The following TMEFF1 variants were observed in gnomAD, a reference collection of about 807,000 sequenced individuals.
TMEFF1 encodes tomoregulin-1.
A neutral mutation model predicts 47.5 loss-of-function variants in TMEFF1; 20 were observed. The ratio of observed to expected loss-of-function variants is 0.42; its 90% confidence interval spans 0.30 to 0.61. The LOEUF (loss-of-function observed/expected upper bound fraction) is 0.61, where lower values mean the gene tolerates loss of function less well. TMEFF1 is among the 20% of genes least tolerant of loss of function. The pLI is 0.19. For synonymous variants in TMEFF1, 162 were observed against 166.3 expected, an observed-to-expected ratio of 0.97 and a Z score of 0.20; for missense variants, 411 against 471.1, an observed-to-expected ratio of 0.87 and a Z score of 1.18.
At chr9:100,489,663 G>A (rs961581129) in intron 1 of TMEFF1, among the ~76,000 whole-genome samples, 9 of 151,758 alleles carry the variant, frequency 5.9e-5, no homozygotes, top group African/African-American at 2.2e-4. Context: ...TACCTTCCAG[G>A]TTTTTAAAAT....
intron 8 of TMEFF1, among the ~76,000 whole-genome samples, chr9:100,568,595 T>TCTTCCTTCCTTCCTTCCTTC (rs60796448): frequency 2.0e-5 from 3 of 149,630 alleles, no homozygotes; most frequent in African/African-American, 2.5e-5. Context: ...TCCCTCCCTC[T>TCTTCCTTCCTTCCTTCCTTC]CTTCCTTCCT....
At chr9:100,492,075 G>A (rs1213192764) in intron 1 of TMEFF1, among the ~76,000 whole-genome samples, 6 of 151,904 alleles carry the variant, frequency 3.9e-5, no homozygotes, top group East Asian at 1.9e-4. Flanking sequence ...TAGTAGAGAC[G>A]GGGTTTCATC....
intron 7 of TMEFF1, among the ~76,000 whole-genome samples, chr9:100,556,564 G>A (rs1838918736): frequency 6.6e-6 from 1 of 152,078 alleles, no homozygotes; most frequent in Non-Finnish European, 1.5e-5. Context: ...AAGTTGAAGC[G>A]AGGTTTCATT....
chr9:100,491,123 A>G (rs1837545189), intron 1 of TMEFF1, among the ~76,000 whole-genome samples: 1 of 152,192 alleles, frequency 6.6e-6, no homozygotes, highest in African/African-American at 2.4e-5. Context: ...GCTTTATAAT[A>G]TTCCATAGTT....
Position 100,547,685 on chromosome 9 carries a change from TGCAG to T in TMEFF1, c.561-58_561-55del. 5.0e-6 allele frequency: 7 copies of T among 1,392,140 alleles called. No homozygotes were observed. In the Admixed American group the frequency reaches 1.3e-4, roughly 26 times the overall value. 86.2% of individuals were successfully genotyped at this position (1,392,140 alleles called of 1,614,324 possible). ...AGAAAGAATTGGTCTTTTTTGCTGT[TGCAG>T]CATTGTGAAATATTTTTGTTGTAAA... On this transcript the variant is annotated intron_variant, in intron 5 of 9. Coordinates refer to ENST00000374879, the MANE Select transcript of TMEFF1 (RefSeq NM_003692.5).
At chr9:100,494,948 G>A (rs983464204) in intron 1 of TMEFF1, among the ~76,000 whole-genome samples, 1 of 152,270 alleles carries the variant, frequency 6.6e-6, no homozygotes, top group South Asian at 2.1e-4. Context: ...ATCATCTGAT[G>A]TTAGTTGATA....
At chr9:100,557,407 A>G (rs1838933556) in intron 7 of TMEFF1, among the ~76,000 whole-genome samples, 1 of 152,248 alleles carries the variant, frequency 6.6e-6, no homozygotes, top group East Asian at 1.9e-4. Context: ...CCATACGATG[A>G]AGAAAACATG....
intron 5 of TMEFF1, among the ~76,000 whole-genome samples, chr9:100,526,725 T>C (rs531125485): frequency 6.6e-6 from 1 of 151,936 alleles, no homozygotes; most frequent in East Asian, 1.9e-4. Context: ...TGAGTTATAA[T>C]TGTTCTTTTG....
chr9:100,509,868 C>T (rs1234007539), intron 3 of TMEFF1, among the ~76,000 whole-genome samples: 2 of 151,674 alleles, frequency 1.3e-5, no homozygotes, highest in African/African-American at 4.8e-5. Context: ...GCCACCTGTT[C>T]ATCCCATGCT....
intron 2 of TMEFF1, among the ~76,000 whole-genome samples, chr9:100,499,591 G>A (rs941321694): frequency 2.0e-5 from 3 of 152,096 alleles, no homozygotes; most frequent in Admixed American, 6.6e-5. Flanking sequence ...CACCATTTGG[G>A]TTTTGAGGGG....
chr9:100,523,807 A>G (rs7029001), intron 5 of TMEFF1, among the ~76,000 whole-genome samples: 33,491 of 152,144 alleles, frequency 0.22, 4,011 homozygotes, highest in South Asian at 0.32. Context: ...ATTTCAAAGG[A>G]CTTTTTACAA....
intron 5 of TMEFF1, among the ~76,000 whole-genome samples, chr9:100,535,972 A>G (rs1377744029): frequency 6.6e-6 from 1 of 152,142 alleles, no homozygotes; most frequent in Non-Finnish European, 1.5e-5. Context: ...TTACTCCTTT[A>G]AAGACAAATA....
intron 5 of TMEFF1, among the ~76,000 whole-genome samples, chr9:100,543,704 A>AAAACACACACAC (rs1038685574): frequency 3.2e-4 from 45 of 138,824 alleles, no homozygotes; most frequent in Non-Finnish European, 5.6e-4. Context: ...GATGAAGTAA[A>AAAACACACACAC]ACACACACAC....
intron 4 of TMEFF1, among the ~76,000 whole-genome samples, chr9:100,513,884 A>G (rs900265404): frequency 1.3e-5 from 2 of 152,216 alleles, no homozygotes; most frequent in Non-Finnish European, 2.9e-5. Flanking sequence ...TGGAATTTAG[A>G]GTTTAATTTA....
intron 7 of TMEFF1, among the ~76,000 whole-genome samples, chr9:100,558,937 A>C (rs911631394): frequency 1.3e-5 from 2 of 152,148 alleles, no homozygotes; most frequent in African/African-American, 4.8e-5. Context: ...TTCATTTCTC[A>C]GATTAAAAAC....
intron 1 of TMEFF1, among the ~76,000 whole-genome samples, chr9:100,497,085 T>G (rs1837663509): frequency 6.6e-6 from 1 of 152,030 alleles, no homozygotes; most frequent in African/African-American, 2.4e-5. Flanking sequence ...TGTGGGTAGA[T>G]AGGGGGAAAA....
At chr9:100,570,983 C>G (rs1338327705) in intron 8 of TMEFF1, among the ~76,000 whole-genome samples, 2 of 152,098 alleles carry the variant, frequency 1.3e-5, no homozygotes, top group Non-Finnish European at 2.9e-5. Context: ...ATATTTCTCC[C>G]TGTCAAATTA....
intron 2 of TMEFF1, among the ~76,000 whole-genome samples, chr9:100,507,491 T>A (rs539721287): frequency 6.6e-5 from 10 of 152,314 alleles, no homozygotes; most frequent in Middle Eastern, 6.8e-3. Context: ...AGCATTCCCT[T>A]TTCTTTGCAG....
At chr9:100,544,357 C>T (rs1266981117) in intron 5 of TMEFF1, among the ~76,000 whole-genome samples, 1 of 152,124 alleles carries the variant, frequency 6.6e-6, no homozygotes, top group Non-Finnish European at 1.5e-5. Flanking sequence ...CAAAGAGGAC[C>T]AAGTCACATC....
Sources: gnomAD v4.1 joint callset for allele counts (sites outside exome capture counted in the v4.1 genomes callset) on GRCh38, gnomAD v4.1.1 for gene constraint, MANE v1.5 for transcripts, NCBI Gene and HGNC (gene_info 2026-07-23, HGNC 2026-07-21) for gene names.